The following SLCO5A1 variants were observed in gnomAD, a reference collection of about 807,000 sequenced individuals.
SLCO5A1 encodes the protein solute carrier organic anion transporter family member 5A1.
Under a neutral mutation model 65.1 loss-of-function variants are expected in SLCO5A1, and 39 were observed. The observed-to-expected ratio is 0.60, with a 90% CI of 0.46 to 0.78. The LOEUF (loss-of-function observed/expected upper bound fraction) is 0.78. Among genes scored for constraint, SLCO5A1 ranks in the 30% least tolerant of loss-of-function variants. SLCO5A1 has a pLI of 0.00. For synonymous variants in SLCO5A1, 438 were observed against 415.7 expected (o/e 1.05, Z -0.65); for missense variants, 1,029 against 1,069.4 (o/e 0.96, Z 0.53).
At chr8:69,808,500 G>T (rs1052365288) in intron 2 of SLCO5A1, among the ~76,000 whole-genome samples, 1 of 152,092 alleles carries the variant, frequency 6.6e-6, no homozygotes. Flanking sequence ...ACATGATTTT[G>T]TTCTTTTTTA....
At chr8:69,726,126 G>A (rs1816062739) in intron 5 of SLCO5A1, among the ~76,000 whole-genome samples, 2 of 152,152 alleles carry the variant, frequency 1.3e-5, no homozygotes, top group Non-Finnish European at 2.9e-5. Flanking sequence ...CCAGACATAC[G>A]GACTGTGCTA....
chr8:69,710,683 C>CTGGT (rs1228875721), intron 5 of SLCO5A1, among the ~76,000 whole-genome samples: 4 of 152,186 alleles, frequency 2.6e-5, no homozygotes, highest in Non-Finnish European at 5.9e-5. Context: ...AATCTCCGTG[C>CTGGT]TGGTAGCTGA....
chr8:69,792,218 G>A (rs1321116473), intron 2 of SLCO5A1, among the ~76,000 whole-genome samples: 3 of 152,040 alleles, frequency 2.0e-5, no homozygotes, highest in Non-Finnish European at 4.4e-5. Context: ...TGTGATTAAT[G>A]GCCAAACAGA....
intron 2 of SLCO5A1, among the ~76,000 whole-genome samples, chr8:69,791,614 G>A (rs1819272443): frequency 6.6e-6 from 1 of 152,164 alleles, no homozygotes; most frequent in African/African-American, 2.4e-5. Context: ...AAGTACACAC[G>A]TGCCAGAGGC....
chr8:69,693,486 C>G (rs1219902439), intron 6 of SLCO5A1, among the ~76,000 whole-genome samples: 3 of 152,210 alleles, frequency 2.0e-5, no homozygotes, highest in Non-Finnish European at 4.4e-5. Context: ...ATGAATGGAA[C>G]TGGCTTATAT....
intron 5 of SLCO5A1, among the ~76,000 whole-genome samples, chr8:69,705,883 A>G (rs959369337): frequency 2.6e-5 from 4 of 152,236 alleles, no homozygotes; most frequent in Non-Finnish European, 2.9e-5. Context: ...ACAGTTTGGC[A>G]TTATCTGGTA....
chr8:69,744,228 T>C (rs1318428553), intron 4 of SLCO5A1, among the ~76,000 whole-genome samples: 1 of 152,156 alleles, frequency 6.6e-6, no homozygotes, highest in Non-Finnish European at 1.5e-5. Flanking sequence ...TGACCAAGCA[T>C]AAGAAGCATA....
Position 69,705,182 on chromosome 8 carries a change from A to T in SLCO5A1, c.1471T>A (p.Tyr491Asn). The change falls in exon 6 of 10, where the codon TAC becomes AAC. Residue 491 changes from tyrosine (Y) to asparagine (N), a missense_variant. Around this residue, in one of 3 missense-constraint regions of SLCO5A1, gnomAD observed 647 missense variants for 647.5 expected, o/e 1.00. Coordinates refer to ENST00000260126, the MANE Select transcript of SLCO5A1 (RefSeq NM_030958.3). The stretch of plus-strand genomic sequence containing the variant: ...CCAAGTTTCAATTTTTTTATAATGT[A>T]GCCTCCGAGGACAATACCAACACCA... ...SAGVGIVLGG[Y>N]IIKKLKLGAR... 1 of 1,614,212 alleles carries T rather than the reference A, an allele frequency of 6.2e-7. No homozygotes were observed. Among genetic ancestry groups the T allele is most frequent in the Non-Finnish European group, 8.5e-7 (1 of 1,180,046 alleles).
At chr8:69,816,613 A>G (rs1458742918) in intron 2 of SLCO5A1, among the ~76,000 whole-genome samples, 1 of 152,216 alleles carries the variant, frequency 6.6e-6, no homozygotes, top group African/African-American at 2.4e-5. Flanking sequence ...CTCTTTCCCC[A>G]GAAACACACA....
chr8:69,833,449 T>G (rs1208850586), intron 1 of SLCO5A1: 1 of 152,284 alleles, frequency 6.6e-6, no homozygotes, highest in South Asian at 2.1e-4. Context: ...TGCTTTTATA[T>G]GTTAATAATT....
intron 6 of SLCO5A1, among the ~76,000 whole-genome samples, chr8:69,695,142 T>A (rs1814442390): frequency 6.6e-6 from 1 of 152,178 alleles, no homozygotes; most frequent in African/African-American, 2.4e-5. Context: ...ATGAGAAACT[T>A]CCCTGTATCA....
At chr8:69,801,303 T>A (rs1355536841) in intron 2 of SLCO5A1, among the ~76,000 whole-genome samples, 1 of 152,206 alleles carries the variant, frequency 6.6e-6, no homozygotes, top group East Asian at 1.9e-4. Context: ...TTTGGATCCC[T>A]CCTATAGATA....
Position 69,678,506 on chromosome 8 carries a change from G to A in SLCO5A1, c.2024+872C>T, listed in dbSNP as rs747631817. Among the ~76,000 whole-genome samples the A allele has an allele frequency of 3.7e-4, 57 of 152,252 alleles. 1 individual carries two copies. The highest frequency in any genetic ancestry group is 7.7e-4 in the East Asian group (4 of 5,186). On this transcript the variant is annotated intron_variant, in intron 8 of 9. Transcript: ENST00000260126. ...TCTTTAGATGAATGCACACTTACAC[G>A]TAGACAGATAGCTTAGAATGTATAT...
chr8:69,691,879 G>A (rs1177024106), intron 6 of SLCO5A1, among the ~76,000 whole-genome samples: 1 of 152,178 alleles, frequency 6.6e-6, no homozygotes, highest in Non-Finnish European at 1.5e-5. Flanking sequence ...CGGCATATTT[G>A]TGTACTGAAT....
At chr8:69,767,913 A>G (rs13250149) in intron 2 of SLCO5A1, among the ~76,000 whole-genome samples, 7,365 of 132,886 alleles carry the variant, frequency 0.055, 720 homozygotes, top group African/African-American at 0.17. Flanking sequence ...AAAAAAAAAC[A>G]AAAAGAAAAA....
chr8:69,829,574 A>T (rs1316677798), intron 2 of SLCO5A1, among the ~76,000 whole-genome samples: 1 of 152,140 alleles, frequency 6.6e-6, no homozygotes, highest in Non-Finnish European at 1.5e-5. Flanking sequence ...GCTACTTGAG[A>T]GGCTGAGGTG....
chr8:69,701,387 T>C (rs1308937228), intron 6 of SLCO5A1, among the ~76,000 whole-genome samples: 1 of 152,166 alleles, frequency 6.6e-6, no homozygotes, highest in Non-Finnish European at 1.5e-5. Context: ...CAGACCAGGA[T>C]GGGAAGTGGG....
chr8:69,822,568 A>G (rs1820694731), intron 2 of SLCO5A1, among the ~76,000 whole-genome samples: 1 of 152,200 alleles, frequency 6.6e-6, no homozygotes, highest in Non-Finnish European at 1.5e-5. Flanking sequence ...GATACATTTA[A>G]GGGTTTTCAT....
chr8:69,688,250 C>A (rs1434160346), intron 6 of SLCO5A1, among the ~76,000 whole-genome samples: 1 of 152,136 alleles, frequency 6.6e-6, no homozygotes, highest in Non-Finnish European at 1.5e-5. Context: ...CTCTTTTAAG[C>A]AAACTTCTTT....
Sources: allele counts gnomAD v4.1 joint callset (sites outside exome capture counted in the v4.1 genomes callset), GRCh38; gene constraint gnomAD v4.1.1; regional missense constraint gnomAD v4.1.1; transcripts MANE v1.5; gene names NCBI Gene and HGNC (gene_info 2026-07-23, HGNC 2026-07-21).